The following NIPSNAP3B variants were observed in gnomAD, a reference collection of about 807,000 sequenced individuals.
The protein encoded by NIPSNAP3B is nipsnap homolog 3B, also known as protein NipSnap homolog 3B.
NIPSNAP3B carries 30 observed loss-of-function variants against 31.5 expected under a neutral mutation model. The observed-to-expected ratio is 0.95, with a 90% CI of 0.71 to 1.29. The LOEUF is 1.29. NIPSNAP3B is among the 50% of genes most tolerant of loss of function. NIPSNAP3B has a pLI of 0.00. For missense variants in NIPSNAP3B, 269 were observed against 300.7 expected (o/e 0.89, Z 0.78); for synonymous variants, 106 against 107.9 (o/e 0.98, Z 0.11).
At chr9:104,766,628 T>A in intron 2 of NIPSNAP3B, 93 bp downstream of exon 2, 1 of 1,226,660 alleles carries the variant, frequency 8.2e-7, no homozygotes, top group South Asian at 1.3e-5. Context: ...TTACCATAGA[T>A]ACATACAGGT....
intron 1 of NIPSNAP3B, 22 bp from the exon 2 acceptor site, chr9:104,766,303 A>G: frequency 6.3e-7 from 1 of 1,597,262 alleles, no homozygotes; most frequent in Non-Finnish European, 8.6e-7. Flanking sequence ...CAAGATATTT[A>G]CATTTGTCTT....
At chr9:104,788,587 T>G in the NIPSNAP3B span, 1 of 1,613,940 alleles carries the variant, frequency 6.2e-7, no homozygotes, top group Non-Finnish European at 8.5e-7. Context: ...ACAAGAAAAC[T>G]ACTTAGATTT....
At chr9:104,777,923 A>T (rs1434781485), downstream of NIPSNAP3B, among the ~76,000 whole-genome samples, 1 of 152,076 alleles carries the variant, frequency 6.6e-6, no homozygotes, top group Non-Finnish European at 1.5e-5. Context: ...GTCACCAAGG[A>T]CCTCTGTCTT....
the NIPSNAP3B span, chr9:104,787,688 G>T: frequency 9.3e-5 from 21 of 224,918 alleles, no homozygotes; most frequent in East Asian, 3.6e-3. Context: ...CCTCAATCAC[G>T]CTAAGAAACA....
Position 104,772,892 on chromosome 9 carries a change from C to T in NIPSNAP3B, c.651C>T (p.Pro217=), listed in dbSNP as rs370814211. ...AAGRHKSHED[P]RVVAAVRESV... is the part of the protein sequence containing the mutation. ...GGAGACATAAGTCCCATGAGGATCC[C>T]AGAGTTGTGGCGGCTGGTAAGCTGT... Residue 217 remains proline, a synonymous_variant, in exon 5 of 6, where the codon CCC becomes CCT. Coordinates refer to ENST00000374762, the MANE Select transcript of NIPSNAP3B (RefSeq NM_018376.4). 4 of 1,613,596 alleles carry T rather than the reference C, an allele frequency of 2.5e-6. No homozygotes were observed. The highest frequency in any genetic ancestry group is 3.4e-6 in the Non-Finnish European group (4 of 1,179,788).
chr9:104,780,981 C>T (rs1333231448), downstream of NIPSNAP3B: 1 of 152,560 alleles, frequency 6.6e-6, no homozygotes, highest in African/African-American at 2.4e-5. Flanking sequence ...GTAGGTGGTG[C>T]CACAAATGCA....
rs1452693128 is a variant in NIPSNAP3B, at chr9:104,768,961, CAA to C, written c.371_372del (p.Gln124ArgfsTer23). On this transcript the variant is annotated frameshift_variant, in exon 3 of 6. Transcript: ENST00000374762. LOFTEE classifies it high-confidence loss of function. ...TCCAAATTTGGCTCGCATTGATAAA[CAA>C]GAGACGGAAATTACTTACCTGATAC... ...IIPNLARIDK[Q>X]ETEITYLIPW... The C allele has an allele frequency of 1.9e-6, 3 of 1,613,946 alleles. No homozygotes were observed. The highest frequency in any genetic ancestry group is 4.5e-5 in the East Asian group (2 of 44,858).
intron 4 of NIPSNAP3B, among the ~76,000 whole-genome samples, chr9:104,772,619 C>G (rs772488049): frequency 1.3e-5 from 2 of 152,130 alleles, no homozygotes; most frequent in African/African-American, 4.8e-5. Flanking sequence ...TTTGCATTCT[C>G]TCTTCAGCCT....
At chr9:104,765,477 C>T (rs976688991) in intron 1 of NIPSNAP3B, among the ~76,000 whole-genome samples, 6 of 152,178 alleles carry the variant, frequency 3.9e-5, no homozygotes, top group African/African-American at 1.4e-4. Context: ...GCATTTGCTA[C>T]TGAACATTAA....
downstream of NIPSNAP3B, among the ~76,000 whole-genome samples, chr9:104,779,329 C>T (rs1296266703): frequency 6.6e-6 from 1 of 152,100 alleles, no homozygotes; most frequent in Non-Finnish European, 1.5e-5. Context: ...CATTGTACCC[C>T]CTAGTACCTA....
the NIPSNAP3B span, chr9:104,784,551 T>A: frequency 1.4e-6 from 2 of 1,432,962 alleles, no homozygotes; most frequent in South Asian, 1.2e-5. Flanking sequence ...TTAGGTCAAG[T>A]AGGAGCATAC....
the NIPSNAP3B span, chr9:104,786,875 A>G: frequency 1.6e-5 from 25 of 1,612,876 alleles, no homozygotes; most frequent in Non-Finnish European, 2.1e-5. Context: ...CTACGGACCT[A>G]TGAGATGTAA....
the NIPSNAP3B span, chr9:104,788,183 T>C: frequency 8.1e-7 from 1 of 1,229,508 alleles, no homozygotes. Flanking sequence ...TGACAACTGG[T>C]GAGGAGCCAA....
At chr9:104,785,790 T>C in the NIPSNAP3B span, 1 of 849,134 alleles carries the variant, frequency 1.2e-6, no homozygotes, top group Non-Finnish European at 1.8e-6. Flanking sequence ...AGTTATCATT[T>C]ACTAAATACT....
chr9:104,776,951 C>G lies in NIPSNAP3B; in HGVS notation c.*3878C>G, dbSNP rs1049741320. ...GAGCCACTGTTAACAGATTACATAA[C>G]TGTTATTGGAAGTGCCTCACTACTC... is the stretch of plus-strand genomic sequence containing the variant. On this transcript the variant is annotated 3_prime_UTR_variant, in exon 6 of 6. Coordinates refer to ENST00000374762, the MANE Select transcript of NIPSNAP3B (RefSeq NM_018376.4). 6.6e-6 allele frequency among the ~76,000 whole-genome samples: 1 copy of G among 152,174 alleles called. No individual in the cohort carries two copies. The highest frequency in any genetic ancestry group is 1.9e-4 in the East Asian group (1 of 5,194).
At chr9:104,772,199 T>G (rs1378829172) in intron 4 of NIPSNAP3B, among the ~76,000 whole-genome samples, 2 of 147,214 alleles carry the variant, frequency 1.4e-5, no homozygotes, top group African/African-American at 2.5e-5. Context: ...TGTTGACAGT[T>G]TTTTTTTTGT....
intron 3 of NIPSNAP3B, among the ~76,000 whole-genome samples, chr9:104,769,857 TTTC>T (rs1425862889): frequency 1.3e-5 from 2 of 152,242 alleles, no homozygotes; most frequent in Non-Finnish European, 2.9e-5. Context: ...TGTCTTCCTC[TTTC>T]TTGTTTCTCA....
intron 3 of NIPSNAP3B, among the ~76,000 whole-genome samples, chr9:104,769,271 TA>T (rs1248875083): frequency 6.6e-6 from 1 of 151,770 alleles, no homozygotes; most frequent in Non-Finnish European, 1.5e-5. Flanking sequence ...CTGGTCAACG[TA>T]GTGAAGCCCC....
chr9:104,783,284 A>G, the NIPSNAP3B span: 4 of 152,260 alleles, frequency 2.6e-5, no homozygotes, highest in Admixed American at 2.0e-4. Flanking sequence ...TAAAAAGTAC[A>G]AACATTTTTG....
Sources: gnomAD v4.1 joint callset for allele counts (sites outside exome capture counted in the v4.1 genomes callset) on GRCh38, gnomAD v4.1.1 for gene constraint, MANE v1.5 for transcripts, NCBI Gene and HGNC (gene_info 2026-07-23, HGNC 2026-07-21) for gene names.